Variants in PRCP observed in about 807,000 individuals in gnomAD.
The protein encoded by PRCP is prolylcarboxypeptidase, also known as lysosomal Pro-X carboxypeptidase.
PRCP carries 46 observed loss-of-function variants against 54.2 expected under a neutral mutation model. The ratio of observed to expected loss-of-function variants is 0.85; its 90% CI spans 0.67 to 1.09. PRCP has a LOEUF of 1.09. Ranked by LOEUF, PRCP falls within the 50% of genes least tolerant of loss-of-function variation. The pLI is 0.00. For synonymous variants in PRCP, 240 were observed against 212.2 expected (o/e 1.13, Z -1.14); for missense variants, 613 against 596.8 (o/e 1.03, Z -0.28).
chr11:82,896,980 C>T (rs1228843793), intron 1 of PRCP, among the ~76,000 whole-genome samples: 1 of 152,116 alleles, frequency 6.6e-6, no homozygotes, highest in Admixed American at 6.5e-5. Context: ...CTACATCACA[C>T]ACTAAAATGT....
At chr11:82,853,477 T>C (rs1290861754) in intron 2 of PRCP, among the ~76,000 whole-genome samples, 199 bp from the exon 3 acceptor site, 1 of 152,128 alleles carries the variant, frequency 6.6e-6, no homozygotes, top group Non-Finnish European at 1.5e-5. Context: ...ACTTTATGAG[T>C]GAAACAATTA....
chr11:82,900,854 C>A (rs1860269912), upstream of PRCP: 1 of 459,326 alleles, frequency 2.2e-6, no homozygotes, highest in African/African-American at 2.0e-5. Context: ...TCCGCAAATC[C>A]TACGTAACGG....
At chr11:82,870,511 G>A (rs1859454057) in intron 1 of PRCP, among the ~76,000 whole-genome samples, 1 of 152,160 alleles carries the variant, frequency 6.6e-6, no homozygotes, top group African/African-American at 2.4e-5. Context: ...TCTAATTACC[G>A]AGGGAGGAAA....
intron 8 of PRCP, chr11:82,835,718 T>C: frequency 3.0e-6 from 1 of 335,074 alleles, no homozygotes. Flanking sequence ...CTTGAACTTC[T>C]TTAATCAGAA....
chr11:82,833,316 C>G (rs1668570745), intron 8 of PRCP, among the ~76,000 whole-genome samples: 1 of 152,152 alleles, frequency 6.6e-6, no homozygotes, highest in Non-Finnish European at 1.5e-5. Context: ...GAAACCTATC[C>G]TCCCTTATGG....
chr11:82,836,939 GA>G, intron 8 of PRCP: 1 of 371,792 alleles, frequency 2.7e-6, no homozygotes. Context: ...CATAGAAACA[GA>G]AAATGTCTTG....
At chr11:82,865,691 GTTTCCAAC>G (rs1358474496) in intron 1 of PRCP, among the ~76,000 whole-genome samples, 2 of 152,124 alleles carry the variant, frequency 1.3e-5, no homozygotes, top group Non-Finnish European at 2.9e-5. Flanking sequence ...ATGTGCTCTG[GTTTCCAAC>G]TCTAATGCAG....
chr11:82,883,425 A>C (rs1448497115), intron 1 of PRCP, among the ~76,000 whole-genome samples: 1 of 152,238 alleles, frequency 6.6e-6, no homozygotes, highest in Non-Finnish European at 1.5e-5. Context: ...GTACAAAATA[A>C]TGAAATGAAA....
At chr11:82,826,141 C>T (rs1337164083) in intron 8 of PRCP, 1 of 152,220 alleles carries the variant, frequency 6.6e-6, no homozygotes, top group East Asian at 1.9e-4. Context: ...GCCTTGCTCT[C>T]AGCCTCAGGA....
At chr11:82,872,964 G>A (rs1393172573) in intron 1 of PRCP, among the ~76,000 whole-genome samples, 3 of 152,190 alleles carry the variant, frequency 2.0e-5, no homozygotes, top group Non-Finnish European at 2.9e-5. Context: ...AGAGAGAATG[G>A]TACTGGATGA....
chr11:82,855,061 T>TAAAAAGCCC (rs1565225054), intron 2 of PRCP, among the ~76,000 whole-genome samples: 1 of 151,966 alleles, frequency 6.6e-6, no homozygotes, highest in Non-Finnish European at 1.5e-5. Context: ...CTGAAAACTA[T>TAAAAAGCCC]AAAAAGCCCA....
At chr11:82,847,742 AC>A (rs1376379513) in intron 6 of PRCP, among the ~76,000 whole-genome samples, 1 of 151,900 alleles carries the variant, frequency 6.6e-6, no homozygotes, top group Non-Finnish European at 1.5e-5. Context: ...ACAGGCAGGC[AC>A]CCCTATGCCC....
At chr11:82,888,628 G>A (rs1859923412) in intron 1 of PRCP, among the ~76,000 whole-genome samples, 1 of 152,130 alleles carries the variant, frequency 6.6e-6, no homozygotes, top group African/African-American at 2.4e-5. Flanking sequence ...TTTCTCTGTA[G>A]ATATGTTGGG....
Position 82,824,800 on chromosome 11 carries a change from A to G in PRCP, c.*106T>C. The G allele has an allele frequency of 8.4e-7, 1 of 1,193,728 alleles. No individual in the cohort carries two copies. The highest frequency in any genetic ancestry group is 1.2e-6 in the Non-Finnish European group (1 of 851,618). 73.9% of individuals were successfully genotyped at this position (1,193,728 alleles called of 1,614,324 possible). On this transcript the variant is annotated 3_prime_UTR_variant, in exon 9 of 9. Transcript: ENST00000313010. ...TTCTATCTCAACTTTGGCCCCATCA[A>G]ATCTAATGATAAACAAAAGAAGGTA...
At chr11:82,855,428 C>T (rs1859061582) in intron 2 of PRCP, among the ~76,000 whole-genome samples, 1 of 151,896 alleles carries the variant, frequency 6.6e-6, no homozygotes, top group Non-Finnish European at 1.5e-5. Flanking sequence ...ACCATCCTGG[C>T]TAACACGGTG....
At chr11:82,886,924 A>G (rs1409100434) in intron 1 of PRCP, among the ~76,000 whole-genome samples, 1 of 152,214 alleles carries the variant, frequency 6.6e-6, no homozygotes, top group Non-Finnish European at 1.5e-5. Context: ...AGCTACAGAG[A>G]AGGAATATCC....
rs574061929 is a variant in PRCP at position 82,883,489 on chromosome 11, T to C, written c.168+16746A>G. On this transcript the variant is annotated intron_variant, in intron 1 of 8. Transcript: ENST00000313010. Reference sequence around the variant, plus strand: ...ATAATAAATAACAATAAATAATAAATATTAGAGTTTTTCTGGCAGATTTAT... The same window carrying C: ...ATAATAAATAACAATAAATAATAAACATTAGAGTTTTTCTGGCAGATTTAT... Among the ~76,000 whole-genome samples, 10 of 152,198 alleles carry C rather than the reference T, an allele frequency of 6.6e-5. No homozygotes were observed. The South Asian group carries it at 2.1e-3, about 32-fold the overall frequency.
At chr11:82,828,588 G>A (rs1017328508) in intron 8 of PRCP, 4 of 152,112 alleles carry the variant, frequency 2.6e-5, no homozygotes, top group African/African-American at 7.2e-5. Flanking sequence ...CATTTTGCTG[G>A]TATTGGTTAC....
chr11:82,849,798 T>A (rs140197572), intron 5 of PRCP, 116 bp downstream of exon 5: 203 of 952,834 alleles, frequency 2.1e-4, no homozygotes, highest in Non-Finnish European at 2.8e-4. Flanking sequence ...TTTGTATAAT[T>A]TTCTGTATGT....
Sources: gnomAD v4.1 joint callset for allele counts (sites outside exome capture counted in the v4.1 genomes callset) on GRCh38, gnomAD v4.1.1 for gene constraint, MANE v1.5 for transcripts, NCBI Gene and HGNC (gene_info 2026-07-23, HGNC 2026-07-21) for gene names.